Variants in NUP107 observed in about 807,000 individuals in gnomAD.
NUP107 encodes the protein nuclear pore complex protein Nup107.
In NUP107, 101 loss-of-function variants were observed where a neutral mutation model predicts 141.0. The ratio of observed to expected loss-of-function variants is 0.72; its 90% CI spans 0.61 to 0.84. The LOEUF is 0.84. Ranked by LOEUF, NUP107 falls within the 40% of genes least tolerant of loss-of-function variation. The pLI is 0.00. For synonymous variants in NUP107, 319 were observed against 363.9 expected, an observed-to-expected ratio of 0.88 and a Z score of 1.41; for missense variants, 941 against 1,102.7, an observed-to-expected ratio of 0.85 and a Z score of 2.08.
At chr12:68,724,929 A>G (rs1200052417) in intron 17 of NUP107, among the ~76,000 whole-genome samples, 1 of 152,226 alleles carries the variant, frequency 6.6e-6, no homozygotes, top group Non-Finnish European at 1.5e-5. Flanking sequence ...GTGGAACACA[A>G]AGTCCAAACT....
intron 26 of NUP107, among the ~76,000 whole-genome samples, chr12:68,740,902 C>T (rs1878294621): frequency 6.6e-6 from 1 of 150,986 alleles, no homozygotes; most frequent in Non-Finnish European, 1.5e-5. Flanking sequence ...AAAAATTAGC[C>T]GGGCATGGTG....
At chr12:68,736,717 CTTTT>C (rs10713889) in intron 26 of NUP107, among the ~76,000 whole-genome samples, 185 of 105,886 alleles carry the variant, frequency 1.7e-3, no homozygotes, top group African/African-American at 5.8e-3. Context: ...GTGTCGCCAC[CTTTT>C]TTTTTTTTTT....
intron 10 of NUP107, among the ~76,000 whole-genome samples, chr12:68,710,925 A>G (rs559881988): frequency 6.6e-6 from 1 of 152,168 alleles, no homozygotes; most frequent in African/African-American, 2.4e-5. Flanking sequence ...CAAGAGACAA[A>G]TGTATATTCT....
At chr12:68,705,515 A>G (rs1876533805) in intron 8 of NUP107, 2 of 281,200 alleles carry the variant, frequency 7.1e-6, no homozygotes, top group Admixed American at 8.7e-5. Context: ...AACCAACTGC[A>G]GATCAAAAGT....
chr12:68,724,449 A>G (rs1877475427), intron 17 of NUP107, among the ~76,000 whole-genome samples: 1 of 152,090 alleles, frequency 6.6e-6, no homozygotes, highest in African/African-American at 2.4e-5. Context: ...AATTTTGTCA[A>G]GTAGAAGAAT....
At chr12:68,725,301 T>G (rs1016622568) in intron 17 of NUP107, among the ~76,000 whole-genome samples, 1 of 152,190 alleles carries the variant, frequency 6.6e-6, no homozygotes, top group African/African-American at 2.4e-5. Flanking sequence ...CTTGGTGCCA[T>G]GTACAGAAGA....
chr12:68,738,829 T>C (rs1878190373), intron 26 of NUP107, among the ~76,000 whole-genome samples: 1 of 152,186 alleles, frequency 6.6e-6, no homozygotes, highest in South Asian at 2.1e-4. Context: ...TCGTTCCTTA[T>C]ACAGATGGAC....
rs747734543 is a variant in NUP107, at chr12:68,696,941, G to A, written c.552+19G>A. 1.3e-5 allele frequency: 18 copies of A among 1,435,240 alleles called. No homozygotes were observed. The highest frequency in any genetic ancestry group is 4.6e-5 in the East Asian group (2 of 43,680). The allele number at this position is 1,435,240 out of a possible 1,614,324, so 88.9% of individuals were successfully genotyped here. On this transcript the variant is annotated intron_variant, in intron 6 of 27. Coordinates refer to ENST00000229179, the MANE Select transcript of NUP107 (RefSeq NM_020401.4). ...TAGTCAGGTAAGCTAATTTCACTCC[G>A]TCGTTAGTCAAACTTCAGTATTTTT... is the stretch of plus-strand genomic sequence containing the variant.
chr12:68,716,177 A>G (rs1433666194), intron 12 of NUP107, among the ~76,000 whole-genome samples: 1 of 147,576 alleles, frequency 6.8e-6, no homozygotes, highest in East Asian at 2.0e-4. Flanking sequence ...CAGGCATGAG[A>G]CACTGCACCT....
chr12:68,698,171 CTT>C (rs1876161636), intron 6 of NUP107, among the ~76,000 whole-genome samples: 1 of 152,050 alleles, frequency 6.6e-6, no homozygotes, highest in Admixed American at 6.6e-5. Flanking sequence ...AATCCCAACA[CTT>C]TGGGAGGCTG....
chr12:68,695,628 G>C (rs773299177), intron 5 of NUP107, among the ~76,000 whole-genome samples: 8 of 152,140 alleles, frequency 5.3e-5, no homozygotes, highest in Non-Finnish European at 1.0e-4. Flanking sequence ...GTGGAGAGTG[G>C]GGAGTTAATG....
chr12:68,707,172 G>T (rs536227640), intron 8 of NUP107: 20 of 492,936 alleles, frequency 4.1e-5, no homozygotes, highest in Non-Finnish European at 7.1e-5. Flanking sequence ...CTGAGGCTCA[G>T]CCCTAGCCCT....
intron 10 of NUP107, among the ~76,000 whole-genome samples, chr12:68,712,482 G>A (rs1044931591): frequency 1.4e-5 from 2 of 147,378 alleles, no homozygotes; most frequent in African/African-American, 5.0e-5. Flanking sequence ...AGTAATATGT[G>A]TACAAAGTCT....
intron 8 of NUP107, among the ~76,000 whole-genome samples, chr12:68,705,243 T>G (rs1876522544): frequency 6.6e-6 from 1 of 152,194 alleles, no homozygotes; most frequent in African/African-American, 2.4e-5. Flanking sequence ...TTGAGCTCAC[T>G]TACTAGTTTT....
intron 27 of NUP107, 75 bp from the exon 28 acceptor site, chr12:68,742,280 G>T: frequency 1.1e-6 from 1 of 925,868 alleles, no homozygotes. Flanking sequence ...AAGCTAATCA[G>T]ATCGATTAGG....
In NUP107 at chr12:68,709,328, A is replaced by ATT; in HGVS notation, c.801+27_801+28dup. 1 of 1,457,650 alleles carries ATT rather than the reference A, an allele frequency of 6.9e-7. No homozygotes were observed. The highest frequency in any genetic ancestry group is 9.4e-7 in the Non-Finnish European group (1 of 1,064,918). The allele number at this position is 1,457,650 out of a possible 1,614,324, so 90.3% of individuals were successfully genotyped here. On this transcript the variant is annotated intron_variant, in intron 9 of 27. Transcript: ENST00000229179. Reference sequence around the variant, plus strand: ...AAGTCAGGTATGACTAGAATTTAAAATTTTTTTTTATGAAACATGGAGAAA... The same window carrying ATT: ...AAGTCAGGTATGACTAGAATTTAAAATTTTTTTTTTTATGAAACATGGAGAAA...
Position 68,740,417 on chromosome 12 carries a change from T to C in NUP107, c.2503-1396T>C, listed in dbSNP as rs536835997. ...TCCCTTGTAAAGAAGCACTTTAATA[T>C]TTGCTTTTATGTATTTATGCTTCAA... On this transcript the variant is annotated intron_variant, in intron 26 of 27. Transcript: ENST00000229179. Among the ~76,000 whole-genome samples the C allele has an allele frequency of 1.6e-4, 24 of 152,316 alleles. No individual in the cohort carries two copies. In the South Asian group the frequency reaches 4.8e-3, roughly 30 times the overall value.
intron 2 of NUP107, among the ~76,000 whole-genome samples, 154 bp downstream of exon 2, chr12:68,689,207 T>C (rs1467186095): frequency 2.0e-5 from 3 of 152,192 alleles, no homozygotes; most frequent in Non-Finnish European, 4.4e-5. Flanking sequence ...TTGGTAAATA[T>C]AATGCAAAAA....
intron 23 of NUP107, 138 bp downstream of exon 23, chr12:68,732,877 C>CTCACTATGT: frequency 2.0e-6 from 1 of 499,374 alleles, no homozygotes; most frequent in Non-Finnish European, 3.5e-6. Context: ...GAGATGGGGT[C>CTCACTATGT]TCACTATGTT....
Sources: gnomAD v4.1 joint callset for allele counts (sites outside exome capture counted in the v4.1 genomes callset) on GRCh38, gnomAD v4.1.1 for gene constraint, MANE v1.5 for transcripts, NCBI Gene and HGNC (gene_info 2026-07-23, HGNC 2026-07-21) for gene names.